The following SLC35D4 variants were observed in gnomAD, a reference collection of about 807,000 sequenced individuals.
SLC35D4 encodes UDP-N-acetylglucosamine transporter SLC35D4.
the SLC35D4 span, among the ~76,000 whole-genome samples, chr18:23,415,645 C>G: frequency 6.6e-6 from 1 of 152,204 alleles, no homozygotes; most frequent in South Asian, 2.1e-4. Flanking sequence ...ATACAGGAAG[C>G]CTTTAGCAAA....
chr18:23,257,052 C>G, the SLC35D4 span: 3 of 660,662 alleles, frequency 4.5e-6, no homozygotes, highest in Non-Finnish European at 7.5e-6. Context: ...CCTTCACAAC[C>G]AGGACCGAAG....
the SLC35D4 span, among the ~76,000 whole-genome samples, chr18:23,344,960 T>G: frequency 1.3e-5 from 2 of 152,174 alleles, no homozygotes; most frequent in African/African-American, 4.8e-5. Flanking sequence ...TAAACTACAT[T>G]TTATCAATTA....
chr18:23,253,701 CTG>C, the SLC35D4 span: 1 of 1,595,218 alleles, frequency 6.3e-7, no homozygotes, highest in African/African-American at 1.3e-5. Context: ...TTTCACAAGA[CTG>C]TTCCCTCTTG....
chr18:23,308,183 G>A, the SLC35D4 span, among the ~76,000 whole-genome samples: 1 of 152,206 alleles, frequency 6.6e-6, no homozygotes, highest in East Asian at 1.9e-4. Flanking sequence ...CCTGGGGGAT[G>A]AGCAGTAGTG....
At chr18:23,404,687 C>CA in the SLC35D4 span, among the ~76,000 whole-genome samples, 75 of 138,972 alleles carry the variant, frequency 5.4e-4, no homozygotes, top group East Asian at 0.012. Flanking sequence ...GACTCCATCT[C>CA]AAAAAAAAAG....
chr18:23,425,524 G>C, the SLC35D4 span, among the ~76,000 whole-genome samples: 1 of 152,184 alleles, frequency 6.6e-6, no homozygotes, highest in African/African-American at 2.4e-5. Flanking sequence ...CTGAACACCA[G>C]AGCTTGGCCT....
chr18:23,399,653 AAG>A, the SLC35D4 span: 2 of 1,613,582 alleles, frequency 1.2e-6, no homozygotes, highest in Non-Finnish European at 1.7e-6. Context: ...GAGATCTGAA[AAG>A]AGGGGAAAAA....
chr18:23,307,666 C>T, the SLC35D4 span, among the ~76,000 whole-genome samples: 1 of 152,226 alleles, frequency 6.6e-6, no homozygotes, highest in Non-Finnish European at 1.5e-5. Flanking sequence ...TGGGTCCTCT[C>T]CGACAGTAGT....
chr18:23,256,598 A>G, the SLC35D4 span, among the ~76,000 whole-genome samples: 1 of 152,064 alleles, frequency 6.6e-6, no homozygotes, highest in Admixed American at 6.5e-5. Context: ...CTCCTGCTTC[A>G]ACCTCCCGAG....
the SLC35D4 span, among the ~76,000 whole-genome samples, chr18:23,409,710 G>A: frequency 3.3e-5 from 5 of 152,148 alleles, no homozygotes; most frequent in Non-Finnish European, 5.9e-5. Context: ...TGGGCATGGT[G>A]GCACATGCTT....
chr18:23,306,162 G>C, the SLC35D4 span, among the ~76,000 whole-genome samples: 1 of 151,874 alleles, frequency 6.6e-6, no homozygotes, highest in African/African-American at 2.4e-5. Flanking sequence ...CCACCAGCCA[G>C]CATGGTGGTC....
chr18:23,427,956 G>A, the SLC35D4 span, among the ~76,000 whole-genome samples: 2 of 152,100 alleles, frequency 1.3e-5, no homozygotes, highest in South Asian at 4.2e-4. Context: ...ACTCATAGGT[G>A]GGAATTGAAC....
chr18:23,250,925 G>C, the SLC35D4 span, among the ~76,000 whole-genome samples: 1 of 152,188 alleles, frequency 6.6e-6, no homozygotes, highest in Admixed American at 6.5e-5. Flanking sequence ...CACTTGAACG[G>C]GGATGTGCTG....
At chr18:23,300,676 G>C in the SLC35D4 span, among the ~76,000 whole-genome samples, 2 of 152,202 alleles carry the variant, frequency 1.3e-5, no homozygotes, top group African/African-American at 4.8e-5. Flanking sequence ...CATGGGTCCA[G>C]GAATCTTAAT....
the SLC35D4 span, among the ~76,000 whole-genome samples, chr18:23,241,303 G>A: frequency 2.8e-4 from 42 of 152,016 alleles, 1 homozygote; most frequent in South Asian, 4.1e-3. Context: ...GGGTAAGGTG[G>A]GGGGATCACT....
chr18:23,295,037 G>A, the SLC35D4 span, among the ~76,000 whole-genome samples: 4 of 151,902 alleles, frequency 2.6e-5, no homozygotes, highest in Non-Finnish European at 1.5e-5. Context: ...TTCTGCAAGT[G>A]GAAAAGAACT....
At chr18:23,433,769 T>G in the SLC35D4 span, among the ~76,000 whole-genome samples, 1 of 151,748 alleles carries the variant, frequency 6.6e-6, no homozygotes, top group Non-Finnish European at 1.5e-5. Flanking sequence ...TACGAATAAA[T>G]AGGAGAACTG....
the SLC35D4 span, among the ~76,000 whole-genome samples, chr18:23,423,097 C>T: frequency 0.29 from 43,603 of 151,996 alleles, 6,657 homozygotes; most frequent in East Asian, 0.4. Flanking sequence ...CGGTCAGCTC[C>T]TGTCTGTCTG....
chr18:23,430,608 T>C, the SLC35D4 span: 7 of 1,584,026 alleles, frequency 4.4e-6, no homozygotes, highest in African/African-American at 2.7e-5. Context: ...AAAATGTATA[T>C]AAAGAGCAAA....
Sources: allele counts gnomAD v4.1 joint callset (sites outside exome capture counted in the v4.1 genomes callset), GRCh38; gene constraint gnomAD v4.1.1; transcripts MANE v1.5; gene names NCBI Gene and HGNC (gene_info 2026-07-23, HGNC 2026-07-21).